Variants in ZNF565 observed in about 807,000 individuals in gnomAD.
ZNF565 encodes zinc finger protein 565.
ZNF565 carries 27 observed loss-of-function variants against 39.4 expected under a neutral mutation model. The ratio of observed to expected loss-of-function variants is 0.69; its 90% CI spans 0.51 to 0.95. The LOEUF (loss-of-function observed/expected upper bound fraction) is 0.95. Ranked by LOEUF, ZNF565 falls within the 40% of genes least tolerant of loss-of-function variation. The pLI is 0.00. For missense variants in ZNF565, 524 were observed against 621.1 expected, an observed-to-expected ratio of 0.84 and a Z score of 1.66; for synonymous variants, 185 against 216.6, an observed-to-expected ratio of 0.85 and a Z score of 1.28.
chr19:36,234,152 T>C (rs556599485), intron 1 of ZNF565, among the ~76,000 whole-genome samples: 155 of 152,308 alleles, frequency 1.0e-3, no homozygotes, highest in African/African-American at 3.6e-3. Context: ...CCTTAATCCA[T>C]TTAACGCTGA....
chr19:36,187,621 G>T (rs982161783), intron 4 of ZNF565, among the ~76,000 whole-genome samples: 1 of 148,328 alleles, frequency 6.7e-6, no homozygotes, highest in African/African-American at 2.5e-5. Flanking sequence ...CTCCCAAAGT[G>T]CTGGGATTAC....
chr19:36,207,607 G>T (rs1976205876), intron 1 of ZNF565, among the ~76,000 whole-genome samples: 1 of 151,610 alleles, frequency 6.6e-6, no homozygotes, highest in South Asian at 2.1e-4. Flanking sequence ...GAAAAGAAAA[G>T]AAAAGAAATG....
chr19:36,189,432 A>C (rs1056152503), intron 4 of ZNF565, among the ~76,000 whole-genome samples: 1 of 151,492 alleles, frequency 6.6e-6, no homozygotes, highest in Non-Finnish European at 1.5e-5. Flanking sequence ...TTCCTGCCTC[A>C]GCCTCCCAAG....
At chr19:36,218,307 C>T (rs751368158), upstream of ZNF565, 2 of 151,842 alleles carry the variant, frequency 1.3e-5, no homozygotes, top group African/African-American at 2.4e-5. Flanking sequence ...ATGTAAAGTT[C>T]TAAGAATAGT....
chr19:36,239,712 C>T (rs73931520), intron 1 of ZNF565, among the ~76,000 whole-genome samples: 2,180 of 152,240 alleles, frequency 0.014, 61 homozygotes, highest in African/African-American at 0.05. Context: ...TCTGTCTTAA[C>T]CTGCGAGCTC....
chr19:36,191,808 A>T (rs1014611489), intron 4 of ZNF565, among the ~76,000 whole-genome samples: 6 of 152,190 alleles, frequency 3.9e-5, no homozygotes. Flanking sequence ...AACATTAGAC[A>T]AGTGACAGAG....
chr19:36,245,587 G>A lies in ZNF565; in HGVS notation c.-57C>T. The A allele has an allele frequency of 4.3e-6, 3 of 701,824 alleles. No individual in the cohort carries two copies. The highest frequency in any genetic ancestry group is 4.0e-5 in the Admixed American group (2 of 49,976). The allele number at this position is 701,824 out of a possible 1,614,324, so 43.5% of individuals were successfully genotyped here. A position where few individuals can be genotyped will look rare whatever the true frequency, so the allele number is the denominator to read the frequency against. On this transcript the variant is annotated 5_prime_UTR_variant, in exon 1 of 5. Coordinates refer to the ZNF565 transcript ENST00000355114. This position sits in a 1 kb window ranked among gnomAD's most constrained non-coding sequence, Gnocchi z 4.4. ...CCAGGGTCCACCGCGGATCTAGGAG[G>A]AGGCTTGAGATGCAGCCTCCCAGCT...
At chr19:36,204,852 C>T (rs57385903) in intron 1 of ZNF565, among the ~76,000 whole-genome samples, 43,690 of 151,534 alleles carry the variant, frequency 0.29, 7,308 homozygotes, top group African/African-American at 0.47. Context: ...TAGCCAGGCA[C>T]GGTGGTGCGT....
chr19:36,210,114 T>C (rs939484482), intron 1 of ZNF565, among the ~76,000 whole-genome samples: 3 of 150,440 alleles, frequency 2.0e-5, no homozygotes, highest in Non-Finnish European at 4.4e-5. Context: ...AATCTTAAAA[T>C]TATATTTAAA....
chr19:36,236,624 C>T, intron 1 of ZNF565: 1 of 1,614,146 alleles, frequency 6.2e-7, no homozygotes, highest in Non-Finnish European at 8.5e-7. Flanking sequence ...TGTCATTAAA[C>T]ATCAGAACAC....
chr19:36,236,512 C>G (rs1568437694), intron 1 of ZNF565: 1 of 1,614,172 alleles, frequency 6.2e-7, no homozygotes, highest in South Asian at 1.1e-5. Context: ...GTGGAAAAGT[C>G]TTCAGCCACA....
Position 36,203,584 on chromosome 19 carries a change from T to G in ZNF565, c.-65-1534A>C, listed in dbSNP as rs2145348629. 2.0e-5 allele frequency: 3 copies of G among 152,342 alleles called. No homozygotes were observed. In the South Asian group the frequency reaches 6.2e-4, roughly 32 times the overall value. 9.4% of individuals were successfully genotyped at this position (152,342 alleles called of 1,614,324 possible). On this transcript the variant is annotated intron_variant, in intron 1 of 4. Coordinates refer to ENST00000304116, the MANE Select transcript of ZNF565 (RefSeq NM_152477.5). ...ATCAGAGTTTTAAGGAGGGTTCTTT[T>G]TTTCCTTTTGAGACAGGGTCTCACT...
At chr19:36,229,533 G>A (rs1360513137) in intron 1 of ZNF565, among the ~76,000 whole-genome samples, 2 of 152,048 alleles carry the variant, frequency 1.3e-5, no homozygotes, top group Admixed American at 1.3e-4. Context: ...TTGTGGTCAC[G>A]TTTACGCGTG....
Position 36,182,801 on chromosome 19 carries a change from T to C in ZNF565, c.1165A>G (p.Arg389Gly). 2 of 1,614,188 alleles carry C rather than the reference T, an allele frequency of 1.2e-6. No homozygotes were observed. Among genetic ancestry groups the C allele is most frequent in the East Asian group, 2.2e-5 (1 of 44,880 alleles). ...CCGCAGTCCTTACATTCATAGGGTCTGTCGCCAGTATGGACTCTCTGATGT... is the reference window on the plus strand; with the variant it reads ...CCGCAGTCCTTACATTCATAGGGTCCGTCGCCAGTATGGACTCTCTGATGT... The part of the protein sequence containing the change: ...TRHQRVHTGD[R>G]PYECKDCGKA... Residue 389 changes from arginine (R) to glycine (G), a missense_variant, in exon 5 of 5, where the codon AGA (arginine) becomes GGA (glycine). Coordinates refer to ENST00000304116, the MANE Select transcript of ZNF565 (RefSeq NM_152477.5).
At chr19:36,207,295 G>A (rs925375088) in intron 1 of ZNF565, among the ~76,000 whole-genome samples, 4 of 152,150 alleles carry the variant, frequency 2.6e-5, no homozygotes, top group African/African-American at 9.7e-5. Flanking sequence ...TGTAATCCTG[G>A]CACTTTGGAA....
At chr19:36,183,977 T>G (rs1328256029) in intron 4 of ZNF565, among the ~76,000 whole-genome samples, 1 of 147,340 alleles carries the variant, frequency 6.8e-6, no homozygotes, top group Non-Finnish European at 1.5e-5. Flanking sequence ...ACTAGGGAGG[T>G]TGAGGCAGGA....
chr19:36,242,656 C>T (rs190363671), intron 1 of ZNF565, among the ~76,000 whole-genome samples: 6 of 150,488 alleles, frequency 4.0e-5, no homozygotes, highest in South Asian at 2.1e-4. Context: ...ACCTGGGAGG[C>T]GGAGGTTGCA....
intron 1 of ZNF565, among the ~76,000 whole-genome samples, chr19:36,239,342 T>TC (rs998038948): frequency 1.4e-5 from 2 of 140,886 alleles, no homozygotes; most frequent in African/African-American, 5.4e-5. Context: ...TTTTTTTTTT[T>TC]CCCATCTTGC....
chr19:36,227,078 C>T (rs966320744), intron 1 of ZNF565, among the ~76,000 whole-genome samples: 3 of 139,320 alleles, frequency 2.2e-5, no homozygotes, highest in Non-Finnish European at 4.7e-5. Flanking sequence ...AGTAAAACTC[C>T]ATCTCAAAAA....
Sources: gnomAD v4.1 joint callset for allele counts (sites outside exome capture counted in the v4.1 genomes callset) on GRCh38, gnomAD v4.1.1 for gene constraint, Gnocchi (gnomAD v3.1) non-coding constraint, MANE v1.5 for transcripts, NCBI Gene and HGNC (gene_info 2026-07-23, HGNC 2026-07-21) for gene names.